The following MARF1 variants were observed in gnomAD, a reference collection of about 807,000 sequenced individuals.
MARF1 encodes the protein meiosis regulator and mRNA stability factor 1, also known as limkain-b1.
A neutral mutation model predicts 168.2 loss-of-function variants in MARF1; 24 were observed. The observed-to-expected ratio is 0.14, with a 90% CI of 0.10 to 0.20. The LOEUF (loss-of-function observed/expected upper bound fraction) is 0.20. Among genes scored for constraint, MARF1 ranks in the 10% least tolerant of loss-of-function variants. The probability of loss-of-function intolerance (pLI) is 1.00; values close to 1 mark genes in which losing one functional copy is unlikely to be tolerated. For synonymous variants in MARF1, 868 were observed against 822.4 expected, an observed-to-expected ratio of 1.06 and a Z score of -0.95; for missense variants, 1,744 against 2,143.6, an observed-to-expected ratio of 0.81 and a Z score of 3.68.
chr16:15,625,029 T>C lies in MARF1; in HGVS notation c.2098A>G (p.Lys700Glu). 6.2e-7 allele frequency: 1 copy of C among 1,614,226 alleles called. No homozygotes were observed. Among genetic ancestry groups the C allele is most frequent in the East Asian group, 2.2e-5 (1 of 44,888 alleles). The change falls in exon 9 of 27, where the codon AAA becomes GAA. Residue 700 changes from lysine (K) to glutamate (E), a missense_variant. Coordinates refer to ENST00000396368, the MANE Select transcript of MARF1 (RefSeq NM_014647.4). ...KNSGVAEPVY[K>E]TSQKKENLSA... The stretch of plus-strand genomic sequence containing the variant: ...AGTTTCACATACTTCTGACTGGTTT[T>C]GTAAACGGGTTCTGCCACCCCCGAG...
intron 7 of MARF1, among the ~76,000 whole-genome samples, chr16:15,629,127 C>G (rs2035073453): frequency 6.6e-6 from 1 of 151,412 alleles, no homozygotes. Flanking sequence ...CTTCACCTCC[C>G]AGGAAAAAAC....
intron 19 of MARF1, 21 bp from the exon 20 acceptor site, chr16:15,609,746 CAT>C: frequency 1.2e-6 from 2 of 1,601,730 alleles, no homozygotes; most frequent in South Asian, 1.1e-5. Flanking sequence ...AACCAAAAAA[CAT>C]AAAATCACAG....
chr16:15,642,145 AT>A (rs796741231), intron 1 of MARF1, among the ~76,000 whole-genome samples: 23 of 152,292 alleles, frequency 1.5e-4, no homozygotes, highest in African/African-American at 5.3e-4. Context: ...CACGGGGAAC[AT>A]TTAGCAAATG....
At chr16:15,633,911 A>C in intron 4 of MARF1, 68 bp from the exon 5 acceptor site, 1 of 1,278,850 alleles carries the variant, frequency 7.8e-7, no homozygotes, top group Non-Finnish European at 1.1e-6. Context: ...ATAAGATAAT[A>C]AACTACCTAT....
intron 26 of MARF1, among the ~76,000 whole-genome samples, chr16:15,597,583 C>T (rs1031852481): frequency 3.9e-5 from 6 of 152,174 alleles, no homozygotes; most frequent in African/African-American, 1.4e-4. Flanking sequence ...ATCATTATGC[C>T]TTAGACTCCC....
intron 16 of MARF1, among the ~76,000 whole-genome samples, chr16:15,615,598 T>G (rs942811340): frequency 2.0e-5 from 3 of 152,094 alleles, no homozygotes. Flanking sequence ...GCACTCCAGC[T>G]AGGCGACAGA....
chr16:15,611,164 C>CT, intron 18 of MARF1, 56 bp from the exon 19 acceptor site: 1 of 1,578,026 alleles, frequency 6.3e-7, no homozygotes. Flanking sequence ...GGTAGAAGAA[C>CT]TACAAGTTTT....
intron 26 of MARF1, among the ~76,000 whole-genome samples, chr16:15,597,323 T>A (rs141939650): frequency 3.2e-4 from 49 of 152,250 alleles, no homozygotes; most frequent in Admixed American, 1.6e-3. Flanking sequence ...CCGTGGGTGG[T>A]AGGGGGTGGG....
rs966559232 is a variant in MARF1 at position 15,601,786 on chromosome 16, C to T, written c.4626+205G>A. ...TACAGCCTGAAACTTACTCACCTGG[C>T]ATATAGGGATTTAATAAAGGTTTAC... On this transcript the variant is annotated intron_variant, in intron 23 of 26. Transcript: ENST00000396368. 4 of 607,872 alleles carry T rather than the reference C, an allele frequency of 6.6e-6. No homozygotes were observed. The African/African-American group carries it at 7.4e-5, about 11-fold the overall frequency. 37.7% of individuals were successfully genotyped at this position (607,872 alleles called of 1,614,324 possible). A position where few individuals can be genotyped will look rare whatever the true frequency, so the allele number is the denominator to read the frequency against.
chr16:15,623,672 T>A (rs949561943), intron 10 of MARF1, among the ~76,000 whole-genome samples: 1 of 152,192 alleles, frequency 6.6e-6, no homozygotes, highest in Non-Finnish European at 1.5e-5. Context: ...TAATATATAT[T>A]CTTCCTTTGG....
intron 20 of MARF1, 128 bp from the exon 21 acceptor site, chr16:15,608,646 G>C (rs763823199): frequency 2.3e-5 from 15 of 658,024 alleles, no homozygotes; most frequent in Non-Finnish European, 3.4e-5. Flanking sequence ...TAAAGTTTCA[G>C]TTGTGTAAGA....
intron 6 of MARF1, 118 bp downstream of exon 6, chr16:15,631,263 A>T: frequency 3.0e-6 from 2 of 657,308 alleles, no homozygotes; most frequent in South Asian, 2.0e-5. Context: ...AACCATAAAC[A>T]TGTCTCATGT....
chr16:15,635,386 G>C (rs2035517629), intron 3 of MARF1: 2 of 486,766 alleles, frequency 4.1e-6, no homozygotes, highest in South Asian at 3.7e-5. Context: ...TTTAAACATA[G>C]AACACGAAGG....
chr16:15,599,483 G>A (rs548702999), intron 25 of MARF1, among the ~76,000 whole-genome samples: 1 of 152,230 alleles, frequency 6.6e-6, no homozygotes, highest in Non-Finnish European at 1.5e-5. Context: ...ACGGAGGTCA[G>A]CACTGCTGAA....
In MARF1 at chr16:15,611,465, A is replaced by C. The variant is rs1055463676; in HGVS notation, c.3617+127T>G. 45 of 812,422 alleles carry C rather than the reference A, an allele frequency of 5.5e-5. No individual in the cohort carries two copies. In the African/African-American group the frequency reaches 6.3e-4, roughly 11 times the overall value. The allele number at this position is 812,422 out of a possible 1,614,324, so 50.3% of individuals were successfully genotyped here. ...CCGTCTCAAAAAAAAAAAAAAAAAAACAAAAAACTACTACAAGTTTTCCAA... is the reference window on the plus strand; with the variant it reads ...CCGTCTCAAAAAAAAAAAAAAAAAACCAAAAAACTACTACAAGTTTTCCAA... On this transcript the variant is annotated intron_variant, in intron 18 of 26. Coordinates refer to ENST00000396368, the MANE Select transcript of MARF1 (RefSeq NM_014647.4).
intron 16 of MARF1, among the ~76,000 whole-genome samples, chr16:15,613,684 T>TAAATAAAATA (rs760527520): frequency 6.8e-6 from 1 of 146,300 alleles, no homozygotes; most frequent in African/African-American, 2.5e-5. Context: ...AATAAATAAA[T>TAAATAAAATA]AAATAAAATA....
intron 22 of MARF1, among the ~76,000 whole-genome samples, chr16:15,602,956 G>A (rs2032653376): frequency 6.6e-6 from 1 of 152,222 alleles, no homozygotes; most frequent in South Asian, 2.1e-4. Context: ...GCAGGGTAAG[G>A]AAGCAGATTT....
intron 1 of MARF1, among the ~76,000 whole-genome samples, chr16:15,640,665 C>T (rs1372501021): frequency 1.3e-5 from 2 of 152,228 alleles, no homozygotes; most frequent in African/African-American, 2.4e-5. Flanking sequence ...CACTGCACTG[C>T]AGCCTGGGCG....
At position 15,594,936 on chromosome 16, in the gene MARF1, C is replaced by G. The variant is rs565934069; in HGVS notation, c.*1757G>C. On this transcript the variant is annotated 3_prime_UTR_variant, in exon 27 of 27. Coordinates refer to ENST00000396368, the MANE Select transcript of MARF1 (RefSeq NM_014647.4). ...AGGTGACTTGTAATGATACCTCTTA[C>G]GGTTTTAAAGTCCACCACTCTTTAC... The G allele has an allele frequency of 6.5e-6, 1 of 152,706 alleles. No individual in the cohort carries two copies. The highest frequency in any genetic ancestry group is 1.9e-4 in the East Asian group (1 of 5,178). The allele number at this position is 152,706 out of a possible 1,614,324, so 9.5% of individuals were successfully genotyped here.
Sources: allele counts gnomAD v4.1 joint callset (sites outside exome capture counted in the v4.1 genomes callset), GRCh38; gene constraint gnomAD v4.1.1; transcripts MANE v1.5; gene names NCBI Gene and HGNC (gene_info 2026-07-23, HGNC 2026-07-21).